Variants in SLC14A2 observed in about 807,000 individuals in gnomAD.
SLC14A2 encodes solute carrier family 14 member 2, also known as urea transporter 2.
Under a neutral mutation model 104.6 loss-of-function variants are expected in SLC14A2, and 91 were observed. That is an observed-to-expected ratio of 0.87 (90% CI 0.73 to 1.04). SLC14A2 has a LOEUF of 1.04. Ranked by LOEUF, SLC14A2 falls within the 50% of genes least tolerant of loss-of-function variation. SLC14A2 has a pLI of 0.00. For missense variants in SLC14A2, 1,189 were observed against 1,156.0 expected (o/e 1.03, Z -0.41); for synonymous variants, 476 against 466.4 (o/e 1.02, Z -0.27).
At chr18:45,329,613 A>G (rs774516935) in intron 1 of SLC14A2, among the ~76,000 whole-genome samples, 1 of 152,198 alleles carries the variant, frequency 6.6e-6, no homozygotes, top group Non-Finnish European at 1.5e-5. Context: ...CTCAATTGCC[A>G]CCAGCCTGTG....
intron 1 of SLC14A2, among the ~76,000 whole-genome samples, chr18:45,267,436 G>C (rs987152854): frequency 6.6e-6 from 1 of 152,146 alleles, no homozygotes; most frequent in Non-Finnish European, 1.5e-5. Context: ...CCACTGTGCT[G>C]TCAACCCTTT....
chr18:45,488,543 AG>A (rs1159303650), intron 2 of SLC14A2, among the ~76,000 whole-genome samples: 1 of 152,222 alleles, frequency 6.6e-6, no homozygotes. Flanking sequence ...GTAAGAACTT[AG>A]TGGGGAAAAG....
At chr18:45,639,094 C>G (rs767684894) in intron 6 of SLC14A2, among the ~76,000 whole-genome samples, 2 of 152,244 alleles carry the variant, frequency 1.3e-5, no homozygotes, top group African/African-American at 4.8e-5. Flanking sequence ...CCACATACTA[C>G]CTTTCTACAA....
chr18:45,677,380 G>A (rs871465), intron 18 of SLC14A2, among the ~76,000 whole-genome samples: 18,092 of 152,106 alleles, frequency 0.12, 1,314 homozygotes, highest in East Asian at 0.34. Context: ...CTATTCGGGG[G>A]CCTTGGTAGT....
At chr18:45,660,478 G>A (rs770199742) in intron 10 of SLC14A2, among the ~76,000 whole-genome samples, 4 of 152,154 alleles carry the variant, frequency 2.6e-5, no homozygotes, top group Non-Finnish European at 4.4e-5. Flanking sequence ...ATTTTCCAGC[G>A]CATTTCGTAA....
intron 2 of SLC14A2, among the ~76,000 whole-genome samples, chr18:45,523,416 G>A (rs1483020188): frequency 5.3e-5 from 8 of 151,530 alleles, no homozygotes; most frequent in South Asian, 2.1e-4. Context: ...TGCAACCTCC[G>A]GCTCCCTAGC....
At chr18:45,470,595 C>T (rs1431824583) in intron 1 of SLC14A2, among the ~76,000 whole-genome samples, 1 of 152,114 alleles carries the variant, frequency 6.6e-6, no homozygotes, top group Non-Finnish European at 1.5e-5. Context: ...AAGGTTTTAA[C>T]ATTTTTCATT....
At chr18:45,459,908 C>T (rs2087013042) in intron 1 of SLC14A2, among the ~76,000 whole-genome samples, 1 of 152,198 alleles carries the variant, frequency 6.6e-6, no homozygotes, top group Admixed American at 6.5e-5. Context: ...TCAGCCCAAA[C>T]ATCCTCAACC....
intron 2 of SLC14A2, among the ~76,000 whole-genome samples, chr18:45,553,657 T>A (rs897875590): frequency 6.6e-6 from 1 of 152,142 alleles, no homozygotes; most frequent in African/African-American, 2.4e-5. Context: ...GAGTTATTCC[T>A]CCCAAATATT....
At chr18:45,675,709 A>AT (rs71177687) in intron 18 of SLC14A2, among the ~76,000 whole-genome samples, 43 of 78,368 alleles carry the variant, frequency 5.5e-4, no homozygotes, top group South Asian at 1.5e-3. Context: ...ATATATATAT[A>AT]TTTTTTTTTT....
At chr18:45,312,105 T>TG (rs2085084822) in intron 1 of SLC14A2, among the ~76,000 whole-genome samples, 1 of 152,198 alleles carries the variant, frequency 6.6e-6, no homozygotes, top group African/African-American at 2.4e-5. Context: ...TGTGTGACTA[T>TG]GGGGAAGTTA....
the SLC14A2 span, among the ~76,000 whole-genome samples, chr18:45,175,777 T>C: frequency 1.3e-5 from 2 of 152,150 alleles, no homozygotes; most frequent in Non-Finnish European, 2.9e-5. Flanking sequence ...TAAAGGGTGC[T>C]GACAGCACAC....
rs2046167661 is a variant in SLC14A2, at chr18:45,673,013, T to C, written c.2343T>C (p.His781=). ...LFISSPLICL[H]AAIGSTMGML... is the part of the protein sequence containing the mutation. ...TATCCTCACCTCTCATTTGCTTGCA[T>C]GCAGCAATTGGATCCACCATGGGGA... Residue 781 remains histidine, a synonymous_variant, in exon 17 of 20, where the codon CAT becomes CAC. Transcript: ENST00000255226. 2 of 1,614,186 alleles carry C rather than the reference T, an allele frequency of 1.2e-6. No homozygotes were observed. Among genetic ancestry groups the C allele is most frequent in the Middle Eastern group, 1.6e-4 (1 of 6,062 alleles).
At chr18:45,567,247 C>T (rs2044280527) in intron 2 of SLC14A2, among the ~76,000 whole-genome samples, 1 of 152,054 alleles carries the variant, frequency 6.6e-6, no homozygotes, top group African/African-American at 2.4e-5. Flanking sequence ...CCATCCCAGA[C>T]TAAAGTCATA....
intron 1 of SLC14A2, among the ~76,000 whole-genome samples, chr18:45,237,483 C>G (rs1568115240): frequency 6.6e-6 from 1 of 152,188 alleles, no homozygotes; most frequent in Non-Finnish European, 1.5e-5. Context: ...GCACAGCATG[C>G]TCGATTCACT....
chr18:45,390,751 G>C (rs1598747094), intron 1 of SLC14A2, among the ~76,000 whole-genome samples: 1 of 152,154 alleles, frequency 6.6e-6, no homozygotes, highest in African/African-American at 2.4e-5. Flanking sequence ...GGCTGCTGGA[G>C]CCAGGCACCA....
the SLC14A2 span, among the ~76,000 whole-genome samples, chr18:45,200,910 C>T: frequency 6.7e-4 from 102 of 152,014 alleles, 1 homozygote; most frequent in East Asian, 5.2e-3. Context: ...CATTATTATA[C>T]TTTTATTAGT....
intron 2 of SLC14A2, among the ~76,000 whole-genome samples, chr18:45,501,500 T>C (rs2043198500): frequency 6.6e-6 from 1 of 152,236 alleles, no homozygotes; most frequent in Non-Finnish European, 1.5e-5. Context: ...AAATGCTTCG[T>C]CTCCCACCTG....
intron 1 of SLC14A2, among the ~76,000 whole-genome samples, chr18:45,359,416 G>A (rs1343617808): frequency 6.6e-6 from 1 of 152,190 alleles, no homozygotes; most frequent in African/African-American, 2.4e-5. Flanking sequence ...GCCAGTTAAT[G>A]TCTAACCCTG....
Sources: gnomAD v4.1 joint callset for allele counts (sites outside exome capture counted in the v4.1 genomes callset) on GRCh38, gnomAD v4.1.1 for gene constraint, MANE v1.5 for transcripts, NCBI Gene and HGNC (gene_info 2026-07-23, HGNC 2026-07-21) for gene names.